Variants in ATXN7 observed in about 807,000 individuals in gnomAD.
ATXN7 encodes ataxin 7.
In ATXN7, 12 loss-of-function variants were observed where a neutral mutation model predicts 70.5. The observed-to-expected ratio is 0.17, with a 90% CI of 0.11 to 0.28. ATXN7 has a LOEUF of 0.28. Among genes scored for constraint, ATXN7 ranks in the 10% least tolerant of loss-of-function variants. The pLI is 1.00. For missense variants in ATXN7, 1,256 were observed against 1,131.7 expected (o/e 1.11, Z -1.58); for synonymous variants, 498 against 448.7 (o/e 1.11, Z -1.39).
At chr3:63,945,838 A>T (rs530440902) in intron 4 of ATXN7, among the ~76,000 whole-genome samples, 24 of 152,320 alleles carry the variant, frequency 1.6e-4, no homozygotes, top group Admixed American at 9.1e-4. Context: ...AAGTAGAGCA[A>T]CAAGCCAGGT....
intron 2 of ATXN7, among the ~76,000 whole-genome samples, chr3:63,907,883 A>C (rs1025525119): frequency 5.9e-5 from 9 of 152,200 alleles, no homozygotes; most frequent in African/African-American, 2.2e-4. Flanking sequence ...ACTGGGCATT[A>C]CTAATTACCT....
intron 8 of ATXN7, among the ~76,000 whole-genome samples, chr3:63,984,229 T>C (rs1391892531): frequency 6.6e-6 from 1 of 150,464 alleles, no homozygotes; most frequent in African/African-American, 2.4e-5. Flanking sequence ...AAAACCACGG[T>C]CCATCTTCCG....
chr3:63,967,958 A>AGC, intron 5 of ATXN7: 1 of 1,535,860 alleles, frequency 6.5e-7, no homozygotes, highest in Non-Finnish European at 8.7e-7. Flanking sequence ...TCTGCGCAGG[A>AGC]GCTGAAAGCT....
chr3:63,928,047 A>T (rs183472562), intron 4 of ATXN7, among the ~76,000 whole-genome samples: 2 of 152,364 alleles, frequency 1.3e-5, no homozygotes, highest in Admixed American at 1.3e-4. Flanking sequence ...TAACAAATAC[A>T]ACAATTAATT....
rs968682960 is a variant in ATXN7, at chr3:63,982,223, A to C, written c.790A>C (p.Lys264Gln). 5.0e-6 allele frequency: 8 copies of C among 1,614,040 alleles called. No homozygotes were observed. The highest frequency in any genetic ancestry group is 6.8e-6 in the Non-Finnish European group (8 of 1,180,036). ...PSVKVEKIHPKMDGTLLKSAV... is the reference protein window; with the variant it reads ...PSVKVEKIHPQMDGTLLKSAV... ...TGTGAAAGTGGAAAAGATTCATCCG[A>C]AAATGGATGGCACACTACTGAAATC... is the stretch of plus-strand genomic sequence containing the variant. The change falls in exon 7 of 13, where the codon AAA (lysine) becomes CAA (glutamine). Residue 264 changes from lysine to glutamine, a missense_variant. Physicochemically the swap from Lys to Gln is moderately conservative, Grantham distance 53. Transcript: ENST00000674280.
At chr3:63,895,965 C>G (rs562658670) in intron 1 of ATXN7, among the ~76,000 whole-genome samples, 1 of 152,226 alleles carries the variant, frequency 6.6e-6, no homozygotes, top group South Asian at 2.1e-4. Flanking sequence ...CTTGCAGCCT[C>G]CACCAAACTA....
intron 5 of ATXN7, among the ~76,000 whole-genome samples, chr3:63,964,724 T>A (rs1575959869): frequency 6.6e-6 from 1 of 152,322 alleles, no homozygotes; most frequent in East Asian, 1.9e-4. Flanking sequence ...GAGCTCTGGA[T>A]AATAACATAG....
chr3:63,902,673 A>G (rs890491785), intron 2 of ATXN7, among the ~76,000 whole-genome samples: 1 of 152,120 alleles, frequency 6.6e-6, no homozygotes, highest in African/African-American at 2.4e-5. Flanking sequence ...ATACTCCATG[A>G]GGAAGAAGGA....
At chr3:63,879,508 A>C (rs866799300) in intron 1 of ATXN7, among the ~76,000 whole-genome samples, 61 of 147,190 alleles carry the variant, frequency 4.1e-4, no homozygotes, top group South Asian at 1.5e-3. Context: ...TTTTTTTTTA[A>C]ATAGAGTCTT....
intron 5 of ATXN7, among the ~76,000 whole-genome samples, chr3:63,954,843 G>T (rs1315724094): frequency 2.0e-5 from 3 of 151,510 alleles, no homozygotes; most frequent in Non-Finnish European, 4.4e-5. Flanking sequence ...CGAGTAGCTG[G>T]GATTACAGGT....
At chr3:63,922,984 A>G (rs1704565165) in intron 4 of ATXN7, among the ~76,000 whole-genome samples, 1 of 152,208 alleles carries the variant, frequency 6.6e-6, no homozygotes, top group Non-Finnish European at 1.5e-5. Flanking sequence ...AAGGACACCT[A>G]TGTAACTACT....
At chr3:63,996,762 G>T in intron 12 of ATXN7, 1 of 431,748 alleles carries the variant, frequency 2.3e-6, no homozygotes. Context: ...AGAAAGCATC[G>T]GTTGTGACAG....
At position 64,001,185 on chromosome 3, in the gene ATXN7, CTT is replaced by C. The variant is rs1000963868; in HGVS notation, c.*1720_*1721del. The C allele has an allele frequency of 1.3e-5, 2 of 152,058 alleles. No individual in the cohort carries two copies. The highest frequency in any genetic ancestry group is 2.9e-5 in the Non-Finnish European group (2 of 68,014). 9.4% of individuals were successfully genotyped at this position (152,058 alleles called of 1,614,324 possible). A position where few individuals can be genotyped will look rare whatever the true frequency, so the allele number is the denominator to read the frequency against. Reference sequence around the variant, plus strand: ...TTCTTATTATGTAAGAAAACAAAAACTTTATGCAGATACTTTAGCTATAAATT... The same window carrying C: ...TTCTTATTATGTAAGAAAACAAAAACTATGCAGATACTTTAGCTATAAATT... On this transcript the variant is annotated 3_prime_UTR_variant, in exon 13 of 13. Transcript: ENST00000674280.
At chr3:63,960,221 A>T (rs2075105322) in intron 5 of ATXN7, among the ~76,000 whole-genome samples, 1 of 152,200 alleles carries the variant, frequency 6.6e-6, no homozygotes, top group Admixed American at 6.5e-5. Context: ...AGAGGTCCTT[A>T]GATGGAAGTG....
chr3:63,864,248 A>C (rs893459121), intron 1 of ATXN7, among the ~76,000 whole-genome samples, 90 bp downstream of exon 1: 11 of 147,314 alleles, frequency 7.5e-5, no homozygotes, highest in African/African-American at 2.7e-4. Flanking sequence ...TTCCCCGGGA[A>C]GGTGACTGCG....
rs754267860 is a variant in ATXN7 at position 64,003,205 on chromosome 3, C to CTTTTTTTT, written c.*3755_*3762dup. On this transcript the variant is annotated 3_prime_UTR_variant, in exon 13 of 13. Coordinates refer to ENST00000674280, the MANE Select transcript of ATXN7 (RefSeq NM_001377405.1). ...AATGTAGGGCCTTGAAAGCATTTTG[C>CTTTTTTTT]TTTTTTTTTTTTTTTTTTTTTTTTG... is the stretch of plus-strand genomic sequence containing the variant. 105 of 75,510 alleles carry CTTTTTTTT rather than the reference C, an allele frequency of 1.4e-3. No individual in the cohort carries two copies. Among genetic ancestry groups the CTTTTTTTT allele is most frequent in the Middle Eastern group, 0.01 (1 of 100 alleles). The allele number at this position is 75,510 out of a possible 1,614,324, so 4.7% of individuals were successfully genotyped here.
At chr3:63,969,235 T>G (rs1003762850) in intron 5 of ATXN7, among the ~76,000 whole-genome samples, 2 of 152,098 alleles carry the variant, frequency 1.3e-5, no homozygotes, top group South Asian at 4.1e-4. Flanking sequence ...AAATGTGAGG[T>G]TTTTCTTATT....
At chr3:63,967,791 A>AT in intron 5 of ATXN7, 1 of 1,487,172 alleles carries the variant, frequency 6.7e-7, no homozygotes, top group Non-Finnish European at 9.0e-7. Context: ...TGCTTTTTAC[A>AT]GTAGTAGCAA....
intron 12 of ATXN7, chr3:63,998,645 G>A (rs1037361530): frequency 1.0e-6 from 1 of 985,400 alleles, no homozygotes; most frequent in Non-Finnish European, 1.2e-6. Flanking sequence ...AAATCCTGGG[G>A]CAAGAGCAGG....
Sources: gnomAD v4.1 joint callset for allele counts (sites outside exome capture counted in the v4.1 genomes callset) on GRCh38, gnomAD v4.1.1 for gene constraint, MANE v1.5 for transcripts, NCBI Gene and HGNC (gene_info 2026-07-23, HGNC 2026-07-21) for gene names.